Variants in ZNF148 observed in about 807,000 individuals in gnomAD.
ZNF148 encodes Beta-Enolase Repressor Factor-1.
A neutral mutation model predicts 67.7 loss-of-function variants in ZNF148; 7 were observed. The ratio of observed to expected loss-of-function variants is 0.10; its 90% CI spans 0.06 to 0.19. The LOEUF (loss-of-function observed/expected upper bound fraction) is 0.19. ZNF148 is among the 10% of genes least tolerant of loss of function. The pLI, the probability that ZNF148 is intolerant of heterozygous loss-of-function variation, is 1.00. For missense variants in ZNF148, 583 were observed against 947.1 expected (o/e 0.62, Z 5.05); for synonymous variants, 333 against 330.7 (o/e 1.01, Z -0.08).
chr3:125,272,438 CATACATAAA>C (rs1384668939), intron 7 of ZNF148, among the ~76,000 whole-genome samples: 1 of 152,166 alleles, frequency 6.6e-6, no homozygotes, highest in African/African-American at 2.4e-5. Flanking sequence ...TAGGGATACT[CATACATAAA>C]ATACATACAC....
At chr3:125,299,007 C>T (rs1438730996) in intron 4 of ZNF148, among the ~76,000 whole-genome samples, 2 of 152,120 alleles carry the variant, frequency 1.3e-5, no homozygotes, top group East Asian at 3.8e-4. Context: ...GTAAAACTTC[C>T]AGAAAGGTAT....
At chr3:125,335,942 GAT>G (rs1941472592) in intron 1 of ZNF148, among the ~76,000 whole-genome samples, 1 of 152,136 alleles carries the variant, frequency 6.6e-6, no homozygotes, top group Non-Finnish European at 1.5e-5. Flanking sequence ...CCAGATAAGA[GAT>G]GTGTTAGAAG....
rs916201105 is a variant in ZNF148, at chr3:125,228,203, A to G, written c.*4138T>C. On this transcript the variant is annotated 3_prime_UTR_variant, in exon 9 of 9. Coordinates refer to ENST00000360647, the MANE Select transcript of ZNF148 (RefSeq NM_021964.3). ...AAAGCAAATCACAAAGTTAGGTAGC[A>G]GTACAGAAGCAGGAAAAAAAACCAC... The G allele has an allele frequency of 1.3e-5, 2 of 152,760 alleles. No homozygotes were observed. The highest frequency in any genetic ancestry group is 1.9e-4 in the East Asian group (1 of 5,192). 9.5% of individuals were successfully genotyped at this position (152,760 alleles called of 1,614,324 possible).
intron 1 of ZNF148, among the ~76,000 whole-genome samples, chr3:125,333,842 G>A (rs771736854): frequency 3.5e-4 from 54 of 152,154 alleles, no homozygotes; most frequent in Non-Finnish European, 7.4e-5. Flanking sequence ...ATAGCTAAAC[G>A]CCTATGCCTT....
rs1299649340 is a variant in ZNF148 at position 125,258,413 on chromosome 3, A to T, written c.667+19313T>A. Among the ~76,000 whole-genome samples the T allele has an allele frequency of 8.4e-5, 8 of 95,804 alleles. No individual in the cohort carries two copies. The East Asian group carries it at 2.3e-3, about 28-fold the overall frequency. The allele number at this position is 95,804 out of a possible 152,430, so 62.9% of individuals were successfully genotyped here. On this transcript the variant is annotated intron_variant, in intron 7 of 8. Transcript: ENST00000360647. Reference sequence around the variant, plus strand: ...GCACTCCAGCCTGGGAGACAGTGAGACTCCATCTCAAAAAAAAAAAAAAAA... The same window carrying T: ...GCACTCCAGCCTGGGAGACAGTGAGTCTCCATCTCAAAAAAAAAAAAAAAA...
At chr3:125,325,568 C>T (rs539752208) in intron 2 of ZNF148, among the ~76,000 whole-genome samples, 3 of 152,112 alleles carry the variant, frequency 2.0e-5, no homozygotes, top group East Asian at 3.9e-4. Flanking sequence ...CCGGTTCAAG[C>T]GATTCTCCTG....
rs1942452527 is a variant in ZNF148 at position 125,358,902 on chromosome 3, G to C, written c.-234+16200C>G. 2.6e-5 allele frequency among the ~76,000 whole-genome samples: 4 copies of C among 152,152 alleles called. No homozygotes were observed. In the South Asian group the frequency reaches 8.3e-4, roughly 32 times the overall value. On this transcript the variant is annotated intron_variant, in intron 1 of 8. Coordinates refer to ENST00000360647, the MANE Select transcript of ZNF148 (RefSeq NM_021964.3). ...CTAGATGTTCAAAGGTCAAACCCCT[G>C]TATTGTGAAGACATTTATCTATGTT...
intron 4 of ZNF148, among the ~76,000 whole-genome samples, chr3:125,309,695 G>C (rs1198112863): frequency 6.6e-6 from 1 of 152,160 alleles, no homozygotes; most frequent in Non-Finnish European, 1.5e-5. Context: ...CACTGGGGAA[G>C]TTTCAGTAAG....
intron 2 of ZNF148, among the ~76,000 whole-genome samples, chr3:125,327,967 AT>A (rs1012609646): frequency 2.0e-5 from 3 of 151,448 alleles, no homozygotes; most frequent in Non-Finnish European, 4.4e-5. Flanking sequence ...ACAGTTTCAA[AT>A]TTTTTTTTAA....
intron 1 of ZNF148, among the ~76,000 whole-genome samples, chr3:125,370,538 T>C (rs1183052653): frequency 6.6e-6 from 1 of 152,154 alleles, no homozygotes; most frequent in African/African-American, 2.4e-5. Context: ...AGAATAATTG[T>C]CACAAATACA....
chr3:125,358,006 T>C (rs1030974582), intron 1 of ZNF148, among the ~76,000 whole-genome samples: 6 of 152,188 alleles, frequency 3.9e-5, no homozygotes, highest in African/African-American at 1.4e-4. Context: ...TTTCTAATAC[T>C]TGAAGTAACA....
intron 4 of ZNF148, among the ~76,000 whole-genome samples, chr3:125,307,890 A>C (rs1222542894): frequency 6.6e-6 from 1 of 150,562 alleles, no homozygotes; most frequent in African/African-American, 2.5e-5. Context: ...TAACTCAAGC[A>C]ATCCCTTGCC....
chr3:125,356,296 T>A (rs542186297), intron 1 of ZNF148, among the ~76,000 whole-genome samples: 1 of 152,334 alleles, frequency 6.6e-6, no homozygotes, highest in South Asian at 2.1e-4. Flanking sequence ...TAGTCTATTC[T>A]GGGATTGGTC....
intron 3 of ZNF148, among the ~76,000 whole-genome samples, chr3:125,316,330 A>G (rs1471531683): frequency 1.3e-5 from 2 of 152,204 alleles, no homozygotes; most frequent in Non-Finnish European, 2.9e-5. Context: ...ATCTTTTAAT[A>G]TACTGATTTC....
At chr3:125,297,933 T>C (rs1458455139) in intron 4 of ZNF148, among the ~76,000 whole-genome samples, 1 of 152,138 alleles carries the variant, frequency 6.6e-6, no homozygotes, top group Non-Finnish European at 1.5e-5. Flanking sequence ...CAGCACTTAA[T>C]ACCAAACATC....
chr3:125,365,387 T>C (rs969934836), intron 1 of ZNF148, among the ~76,000 whole-genome samples: 1 of 152,210 alleles, frequency 6.6e-6, no homozygotes, highest in African/African-American at 2.4e-5. Context: ...TCCACGTATT[T>C]AGTTTCTATC....
chr3:125,260,159 A>G (rs1196092821), intron 7 of ZNF148, among the ~76,000 whole-genome samples: 1 of 152,194 alleles, frequency 6.6e-6, no homozygotes, highest in Non-Finnish European at 1.5e-5. Context: ...ACCGATCACA[A>G]ATCACCACAA....
Position 125,323,333 on chromosome 3 carries a change from C to A in ZNF148, c.-41G>T. 1.5e-6 allele frequency: 1 copy of A among 668,088 alleles called. No individual in the cohort carries two copies. Among genetic ancestry groups the A allele is most frequent in the Non-Finnish European group, 2.7e-6 (1 of 373,522 alleles). The allele number at this position is 668,088 out of a possible 1,614,324, so 41.4% of individuals were successfully genotyped here. On this transcript the variant is annotated 5_prime_UTR_variant, in exon 3 of 9. Coordinates refer to ENST00000360647, the MANE Select transcript of ZNF148 (RefSeq NM_021964.3). ...CCCGAGACTAAGGTAAAAACGAAGA[C>A]TTCAAGGAAAGGAATGCTGTAGAGT...
intron 1 of ZNF148, among the ~76,000 whole-genome samples, chr3:125,371,060 A>G (rs1258398451): frequency 1.3e-5 from 2 of 152,078 alleles, no homozygotes; most frequent in African/African-American, 4.8e-5. Context: ...AAATAAAAAC[A>G]TAAGAATTGT....
Sources: allele counts gnomAD v4.1 joint callset (sites outside exome capture counted in the v4.1 genomes callset), GRCh38; gene constraint gnomAD v4.1.1; transcripts MANE v1.5; gene names NCBI Gene and HGNC (gene_info 2026-07-23, HGNC 2026-07-21).